The following PSMB2 variants were observed in gnomAD, a reference collection of about 807,000 sequenced individuals.
PSMB2 encodes the protein proteasome subunit beta type-2.
PSMB2 carries 13 observed loss-of-function variants against 25.7 expected under a neutral mutation model. The ratio of observed to expected loss-of-function variants is 0.51; its 90% CI spans 0.33 to 0.80. The LOEUF is 0.80. Among genes scored for constraint, PSMB2 ranks in the 30% least tolerant of loss-of-function variants. The probability of loss-of-function intolerance (pLI) is 0.02; values close to 1 mark genes in which losing one functional copy is unlikely to be tolerated. For synonymous variants in PSMB2, 87 were observed against 96.2 expected (o/e 0.90, Z 0.56); for missense variants, 202 against 259.0 (o/e 0.78, Z 1.51).
At chr1:35,609,476 G>T in intron 3 of PSMB2, 68 bp from the exon 4 acceptor site, 1 of 1,290,336 alleles carries the variant, frequency 7.7e-7, no homozygotes, top group Non-Finnish European at 1.0e-6. Context: ...CATGGCAAAT[G>T]AGAATATTCT....
At chr1:35,605,131 A>T in intron 5 of PSMB2, 102 bp downstream of exon 5, 1 of 1,174,960 alleles carries the variant, frequency 8.5e-7, no homozygotes, top group Non-Finnish European at 1.2e-6. Flanking sequence ...TATGTATTAC[A>T]CCTTCTGGCA....
At chr1:35,627,867 T>C (rs1025837284) in intron 3 of PSMB2, among the ~76,000 whole-genome samples, 1 of 152,162 alleles carries the variant, frequency 6.6e-6, no homozygotes, top group Non-Finnish European at 1.5e-5. Flanking sequence ...TTATGTAAGA[T>C]TCATTATATA....
intron 1 of PSMB2, among the ~76,000 whole-genome samples, chr1:35,640,342 G>A (rs966377926): frequency 3.3e-5 from 5 of 152,052 alleles, no homozygotes; most frequent in South Asian, 2.1e-4. Flanking sequence ...AAATCCTCCC[G>A]ACAAGTTTGT....
chr1:35,636,270 G>A (rs374176139), intron 2 of PSMB2, 40 bp downstream of exon 2: 16 of 1,611,392 alleles, frequency 9.9e-6, no homozygotes, highest in Non-Finnish European at 1.4e-5. Flanking sequence ...GGCAGCCCTA[G>A]TAAACTCATA....
intron 1 of PSMB2, among the ~76,000 whole-genome samples, chr1:35,639,208 C>T (rs1317310058): frequency 6.6e-6 from 1 of 152,076 alleles, no homozygotes. Flanking sequence ...GAGCCGAGAT[C>T]GCGCCATTGC....
intron 3 of PSMB2, among the ~76,000 whole-genome samples, 167 bp downstream of exon 3, chr1:35,631,107 A>G (rs891851699): frequency 6.6e-6 from 1 of 152,256 alleles, no homozygotes; most frequent in African/African-American, 2.4e-5. Context: ...GTACCTATTA[A>G]TAACAACTGT....
intron 3 of PSMB2, among the ~76,000 whole-genome samples, chr1:35,619,121 T>C (rs932048298): frequency 2.0e-5 from 3 of 152,266 alleles, no homozygotes; most frequent in Non-Finnish European, 4.4e-5. Flanking sequence ...TATACCTGTT[T>C]GATGCTGGCA....
At chr1:35,608,986 C>T (rs1650252282) in intron 4 of PSMB2, among the ~76,000 whole-genome samples, 1 of 152,204 alleles carries the variant, frequency 6.6e-6, no homozygotes, top group African/African-American at 2.4e-5. Flanking sequence ...ACATCTATTC[C>T]AATCCTCCTT....
chr1:35,605,444 C>T (rs907313470), intron 4 of PSMB2, among the ~76,000 whole-genome samples, 162 bp from the exon 5 acceptor site: 1 of 152,228 alleles, frequency 6.6e-6, no homozygotes, highest in Non-Finnish European at 1.5e-5. Flanking sequence ...CAACTTACTC[C>T]ACATGCAGCT....
chr1:35,625,273 T>G (rs940615706), intron 3 of PSMB2, among the ~76,000 whole-genome samples: 2 of 152,200 alleles, frequency 1.3e-5, no homozygotes, highest in Non-Finnish European at 2.9e-5. Flanking sequence ...ATGAAAACTC[T>G]TTGGCCAGTG....
rs950555052 is a variant in PSMB2 at position 35,603,195 on chromosome 1, G to C, written c.*72C>G. 3 of 1,565,054 alleles carry C rather than the reference G, an allele frequency of 1.9e-6. No homozygotes were observed. In the African/African-American group the frequency reaches 4.1e-5, roughly 22 times the overall value. On this transcript the variant is annotated 3_prime_UTR_variant, in exon 6 of 6. Transcript: ENST00000373237. ...TTAACCATTTATCAAGAGTGCGCCT[G>C]AAAAGAGTAGAAAAAAATAAAGGAG...
intron 2 of PSMB2, among the ~76,000 whole-genome samples, chr1:35,633,705 T>C (rs1253813273): frequency 1.3e-5 from 2 of 152,250 alleles, no homozygotes. Context: ...ATTCTAAACC[T>C]GCATAAACCT....
intron 1 of PSMB2, among the ~76,000 whole-genome samples, chr1:35,639,999 G>T (rs1651346089): frequency 6.6e-6 from 1 of 152,028 alleles, no homozygotes; most frequent in Non-Finnish European, 1.5e-5. Flanking sequence ...AAGGTCACAA[G>T]TGGCAGAACC....
chr1:35,635,845 A>G (rs941612746), intron 2 of PSMB2, among the ~76,000 whole-genome samples: 1 of 151,508 alleles, frequency 6.6e-6, no homozygotes, highest in Non-Finnish European at 1.5e-5. Flanking sequence ...AAAAAAAAAA[A>G]AAAAAAAGAA....
intron 3 of PSMB2, among the ~76,000 whole-genome samples, chr1:35,618,416 T>C (rs1650569062): frequency 6.6e-6 from 1 of 151,824 alleles, no homozygotes; most frequent in Non-Finnish European, 1.5e-5. Context: ...TTCATTCATA[T>C]GAACACATAC....
intron 2 of PSMB2, among the ~76,000 whole-genome samples, chr1:35,633,870 T>C (rs539851354): frequency 9.8e-5 from 15 of 152,398 alleles, no homozygotes; most frequent in South Asian, 6.2e-4. Context: ...CCAAACTATG[T>C]GAATAGATCT....
intron 3 of PSMB2, among the ~76,000 whole-genome samples, chr1:35,626,499 A>G (rs1041947806): frequency 2.6e-5 from 4 of 152,238 alleles, no homozygotes; most frequent in African/African-American, 9.6e-5. Flanking sequence ...AAACTTATCT[A>G]TATAATACTA....
intron 3 of PSMB2, among the ~76,000 whole-genome samples, chr1:35,622,435 C>A (rs181203789): frequency 7.0e-4 from 106 of 152,248 alleles, no homozygotes; most frequent in African/African-American, 2.5e-3. Flanking sequence ...ACAGCACTAT[C>A]CTGCCTTAGG....
chr1:35,613,191 C>T (rs988925169), intron 3 of PSMB2, among the ~76,000 whole-genome samples: 7 of 152,208 alleles, frequency 4.6e-5, no homozygotes, highest in Non-Finnish European at 8.8e-5. Flanking sequence ...TAAATCAATA[C>T]ATCTGTGCAA....
Sources: allele counts gnomAD v4.1 joint callset (sites outside exome capture counted in the v4.1 genomes callset), GRCh38; gene constraint gnomAD v4.1.1; transcripts MANE v1.5; gene names NCBI Gene and HGNC (gene_info 2026-07-23, HGNC 2026-07-21).